The following ZNF704 variants were observed in gnomAD, a reference collection of about 807,000 sequenced individuals.
The protein encoded by ZNF704 is glucocorticoid induced gene 1.
In ZNF704, 10 loss-of-function variants were observed where a neutral mutation model predicts 44.7. That is an observed-to-expected ratio of 0.22 (90% CI 0.14 to 0.38). The LOEUF is 0.38. Among genes scored for constraint, ZNF704 ranks in the 10% least tolerant of loss-of-function variants. ZNF704 has a pLI of 1.00. For synonymous variants in ZNF704, 211 were observed against 207.6 expected (o/e 1.02, Z -0.14); for missense variants, 390 against 545.5 (o/e 0.71, Z 2.84).
chr8:80,729,969 C>CT (rs1806550549), intron 2 of ZNF704, among the ~76,000 whole-genome samples: 1 of 152,146 alleles, frequency 6.6e-6, no homozygotes, highest in African/African-American at 2.4e-5. Context: ...GTGCTTGCCA[C>CT]ATGTCTAGAG....
At chr8:80,776,492 A>T (rs1305220708) in intron 2 of ZNF704, among the ~76,000 whole-genome samples, 1 of 152,190 alleles carries the variant, frequency 6.6e-6, no homozygotes, top group Non-Finnish European at 1.5e-5. Context: ...TATTGACCTT[A>T]GTCATTCATT....
At chr8:80,749,920 G>A (rs931776813) in intron 2 of ZNF704, among the ~76,000 whole-genome samples, 7 of 152,066 alleles carry the variant, frequency 4.6e-5, no homozygotes, top group Non-Finnish European at 2.9e-5. Context: ...GGCTTAATTC[G>A]GCCAGCCTGG....
intron 2 of ZNF704, among the ~76,000 whole-genome samples, chr8:80,816,839 C>T (rs1322432337): frequency 6.6e-6 from 1 of 152,036 alleles, no homozygotes; most frequent in Non-Finnish European, 1.5e-5. Flanking sequence ...TTTGGGTACC[C>T]AACTCTATAA....
chr8:80,669,774 T>C (rs114528698), intron 5 of ZNF704, among the ~76,000 whole-genome samples: 72 of 152,306 alleles, frequency 4.7e-4, no homozygotes, highest in African/African-American at 1.5e-3. Context: ...CTCAGATCCC[T>C]GGGCAAGATA....
chr8:80,774,680 G>A (rs916745439), intron 2 of ZNF704, among the ~76,000 whole-genome samples: 1 of 152,164 alleles, frequency 6.6e-6, no homozygotes, highest in African/African-American at 2.4e-5. Flanking sequence ...GGCTTCATAG[G>A]GTAGATGTCT....
At chr8:80,711,337 C>T (rs891855032) in intron 2 of ZNF704, among the ~76,000 whole-genome samples, 13 of 152,106 alleles carry the variant, frequency 8.5e-5, no homozygotes, top group African/African-American at 2.4e-4. Flanking sequence ...CAAATGGCAG[C>T]GGTCTCATGG....
intron 4 of ZNF704, among the ~76,000 whole-genome samples, chr8:80,672,671 A>G (rs1309223828): frequency 6.6e-6 from 1 of 152,228 alleles, no homozygotes; most frequent in African/African-American, 2.4e-5. Context: ...CAGAAAAGCA[A>G]ATACTGCATG....
intron 4 of ZNF704, among the ~76,000 whole-genome samples, chr8:80,678,399 A>G (rs2131622768): frequency 6.6e-6 from 1 of 152,230 alleles, no homozygotes; most frequent in East Asian, 1.9e-4. Context: ...TTATTATCCC[A>G]TTTTAGTCCA....
At chr8:80,752,492 G>A (rs1806960475) in intron 2 of ZNF704, among the ~76,000 whole-genome samples, 2 of 151,552 alleles carry the variant, frequency 1.3e-5, no homozygotes, top group African/African-American at 4.9e-5. Context: ...TTTGAGCCAA[G>A]CTCTTTATAA....
At chr8:80,769,453 A>G (rs1807282487) in intron 2 of ZNF704, among the ~76,000 whole-genome samples, 1 of 152,154 alleles carries the variant, frequency 6.6e-6, no homozygotes, top group Non-Finnish European at 1.5e-5. Flanking sequence ...TTGGACTTAC[A>G]GTTCCACATG....
intron 3 of ZNF704, among the ~76,000 whole-genome samples, chr8:80,691,943 C>A (rs1351394328): frequency 6.6e-6 from 1 of 152,176 alleles, no homozygotes; most frequent in Admixed American, 6.5e-5. Context: ...TCTCTCTGTC[C>A]AGCACCAAAC....
chr8:80,665,018 T>A lies in ZNF704; in HGVS notation c.724A>T (p.Asn242Tyr), dbSNP rs977030770. ...AGCCCGTCTGCCACTGAGTCTGTGT[T>A]GAGCTTGATCTCAGTGTAGTAAAAG... ...EDFYYTEIKL[N>Y]TDSVADGLSS... The change falls in exon 6 of 9, where the codon AAC becomes TAC. Residue 242 changes from asparagine (N) to tyrosine (Y), a missense_variant. Asn to Tyr is a moderately radical substitution (Grantham distance 143, BLOSUM62 -2). Around this residue, in one of 3 missense-constraint regions of ZNF704, gnomAD observed 305 missense variants for 435.7 expected, o/e 0.70. Coordinates refer to ENST00000327835, the MANE Select transcript of ZNF704 (RefSeq NM_001033723.3). The A allele has an allele frequency of 5.0e-6, 8 of 1,613,770 alleles. No homozygotes were observed. The highest frequency in any genetic ancestry group is 6.8e-6 in the Non-Finnish European group (8 of 1,179,784).
chr8:80,782,502 T>A (rs1807544260), intron 2 of ZNF704, among the ~76,000 whole-genome samples: 1 of 152,140 alleles, frequency 6.6e-6, no homozygotes, highest in Non-Finnish European at 1.5e-5. Context: ...TTAATACAAT[T>A]ACGATGTCCA....
chr8:80,664,101 A>AT (rs199813467), intron 6 of ZNF704, among the ~76,000 whole-genome samples: 58 of 148,142 alleles, frequency 3.9e-4, no homozygotes, highest in Middle Eastern at 3.5e-3. Flanking sequence ...AACATTAGGG[A>AT]TTTTTTTTGT....
intron 7 of ZNF704, 73 bp from the exon 8 acceptor site, chr8:80,643,202 T>C: frequency 9.2e-7 from 1 of 1,092,202 alleles, no homozygotes; most frequent in East Asian, 2.7e-5. Flanking sequence ...CTTTGCTGTG[T>C]GGACACTGAT....
At chr8:80,645,794 A>G (rs1256908710) in intron 7 of ZNF704, among the ~76,000 whole-genome samples, 1 of 152,206 alleles carries the variant, frequency 6.6e-6, no homozygotes, top group African/African-American at 2.4e-5. Context: ...CTTTATAGCA[A>G]TGCAAGTATG....
In ZNF704 at chr8:80,632,542, A is replaced by G. The variant is rs1817603832; in HGVS notation, c.*8824T>C. ...AATTTAGGGAAAAGGACCTAGCAAG[A>G]TAATGTAATAGTTAATTAGACTTGA... On this transcript the variant is annotated 3_prime_UTR_variant, in exon 9 of 9. Coordinates refer to ENST00000327835, the MANE Select transcript of ZNF704 (RefSeq NM_001033723.3). The G allele has an allele frequency of 6.6e-6, 1 of 152,218 alleles. No homozygotes were observed. The highest frequency in any genetic ancestry group is 2.1e-4 in the South Asian group (1 of 4,822). 9.4% of individuals were successfully genotyped at this position (152,218 alleles called of 1,614,324 possible).
chr8:80,723,747 A>G (rs185898352), intron 2 of ZNF704, among the ~76,000 whole-genome samples: 69 of 152,350 alleles, frequency 4.5e-4, no homozygotes, highest in South Asian at 2.1e-4. Context: ...GAGAGGGTAC[A>G]TGGTTTTCAA....
chr8:80,813,836 G>T (rs1430801979), intron 2 of ZNF704, among the ~76,000 whole-genome samples: 1 of 152,014 alleles, frequency 6.6e-6, no homozygotes, highest in African/African-American at 2.4e-5. Context: ...CAGAGATGGT[G>T]CCACTGCACT....
Sources: allele counts gnomAD v4.1 joint callset (sites outside exome capture counted in the v4.1 genomes callset), GRCh38; gene constraint gnomAD v4.1.1; regional missense constraint gnomAD v4.1.1; transcripts MANE v1.5; gene names NCBI Gene and HGNC (gene_info 2026-07-23, HGNC 2026-07-21).